The following KLRG1 variants were observed in gnomAD, a reference collection of about 807,000 sequenced individuals.
KLRG1 encodes the protein killer cell lectin like receptor G1, also known as killer cell lectin-like receptor subfamily G member 1.
KLRG1 carries 16 observed loss-of-function variants against 21.8 expected under a neutral mutation model. The ratio of observed to expected loss-of-function variants is 0.73; its 90% confidence interval spans 0.50 to 1.11. KLRG1 has a LOEUF of 1.11. Among genes scored for constraint, KLRG1 ranks in the 50% most tolerant of loss-of-function variants. The pLI, the probability that KLRG1 is intolerant of heterozygous loss-of-function variation, is 0.00. For missense variants in KLRG1, 173 were observed against 218.3 expected (o/e 0.79, Z 1.31); for synonymous variants, 69 against 75.9 (o/e 0.91, Z 0.47).
the KLRG1 span, among the ~76,000 whole-genome samples, chr12:9,042,995 A>G: frequency 2.0e-5 from 3 of 151,680 alleles, no homozygotes; most frequent in Middle Eastern, 6.9e-3. Flanking sequence ...TGTTCTCTCA[A>G]TTTTTTTGAA....
the KLRG1 span, among the ~76,000 whole-genome samples, chr12:9,021,943 T>C: frequency 6.6e-6 from 1 of 152,134 alleles, no homozygotes; most frequent in Non-Finnish European, 1.5e-5. Flanking sequence ...GTAGAAGGAA[T>C]AGACTCTAAG....
At chr12:9,003,407 T>A (rs1348692745) in intron 3 of KLRG1, among the ~76,000 whole-genome samples, 1 of 152,164 alleles carries the variant, frequency 6.6e-6, no homozygotes, top group African/African-American at 2.4e-5. Flanking sequence ...ATACTTTGAA[T>A]GCAGTAACAT....
the KLRG1 span, chr12:9,157,691 A>G: frequency 7.5e-7 from 1 of 1,333,876 alleles, no homozygotes; most frequent in South Asian, 1.2e-5. Flanking sequence ...TTGAGACTCA[A>G]CCCTTAGCAG....
chr12:9,129,752 G>T, the KLRG1 span, among the ~76,000 whole-genome samples: 1 of 152,154 alleles, frequency 6.6e-6, no homozygotes, highest in Non-Finnish European at 1.5e-5. Context: ...ATTTCACCGT[G>T]TTAGCCAGGA....
chr12:9,017,591 T>C, the KLRG1 span, among the ~76,000 whole-genome samples: 1 of 152,236 alleles, frequency 6.6e-6, no homozygotes, highest in South Asian at 2.1e-4. Flanking sequence ...CAGTAAAAAA[T>C]TGGGTATACA....
At chr12:9,090,811 TAAACAGTTATG>T in the KLRG1 span, among the ~76,000 whole-genome samples, 1 of 152,200 alleles carries the variant, frequency 6.6e-6, no homozygotes, top group Non-Finnish European at 1.5e-5. Context: ...ACAAGACTTA[TAAACAGTTATG>T]GTTTCAGCAA....
At chr12:9,077,409 T>A in the KLRG1 span, 2 of 1,613,036 alleles carry the variant, frequency 1.2e-6, no homozygotes, top group Non-Finnish European at 1.7e-6. Flanking sequence ...TCACTTCATC[T>A]TCTACTCCTC....
the KLRG1 span, among the ~76,000 whole-genome samples, chr12:9,188,599 G>T: frequency 6.6e-6 from 1 of 152,178 alleles, no homozygotes; most frequent in Non-Finnish European, 1.5e-5. Flanking sequence ...GTTTGCAGAC[G>T]ACATGATTTT....
chr12:9,041,885 G>A, the KLRG1 span, among the ~76,000 whole-genome samples: 2 of 152,140 alleles, frequency 1.3e-5, no homozygotes, highest in African/African-American at 4.8e-5. Context: ...AGTGGTTTGC[G>A]TGCAGCAATT....
the KLRG1 span, among the ~76,000 whole-genome samples, chr12:9,060,825 A>T: frequency 3.3e-5 from 5 of 152,182 alleles, no homozygotes; most frequent in Non-Finnish European, 7.3e-5. Flanking sequence ...TGGATTAATG[A>T]TGATCTTTTT....
the KLRG1 span, chr12:9,104,267 T>C: frequency 4.3e-6 from 7 of 1,612,890 alleles, no homozygotes; most frequent in Non-Finnish European, 5.9e-6. Flanking sequence ...ACCCATAACA[T>C]TGGTGGTGTT....
chr12:9,106,436 G>T, the KLRG1 span: 1 of 1,431,398 alleles, frequency 7.0e-7, no homozygotes, highest in Non-Finnish European at 9.7e-7. Flanking sequence ...TCATTATTTG[G>T]CTAAGAAAAT....
the KLRG1 span, among the ~76,000 whole-genome samples, chr12:9,019,473 G>A: frequency 1.3e-5 from 2 of 152,172 alleles, no homozygotes; most frequent in Admixed American, 6.5e-5. Context: ...GCACTCCCAT[G>A]TTTATTGCAG....
At chr12:9,044,430 C>T in the KLRG1 span, among the ~76,000 whole-genome samples, 3 of 152,020 alleles carry the variant, frequency 2.0e-5, no homozygotes, top group East Asian at 3.9e-4. Flanking sequence ...TTTGGGAGGC[C>T]GAGACAGGTG....
intron 1 of KLRG1, among the ~76,000 whole-genome samples, chr12:8,983,997 A>C (rs772777182): frequency 3.3e-5 from 5 of 152,164 alleles, no homozygotes; most frequent in Admixed American, 1.3e-4. Flanking sequence ...TTCCGATTTC[A>C]TTATATGTCC....
the KLRG1 span, chr12:9,202,482 C>G: frequency 6.2e-7 from 1 of 1,612,784 alleles, no homozygotes; most frequent in Admixed American, 1.7e-5. Flanking sequence ...GTTCAGGTGG[C>G]CCTTCTCAGT....
intron 3 of KLRG1, among the ~76,000 whole-genome samples, chr12:8,998,643 C>A (rs1160375455): frequency 6.7e-6 from 1 of 149,892 alleles, no homozygotes; most frequent in Non-Finnish European, 1.5e-5. Context: ...TAGCCGTGAT[C>A]ACACCACTGC....
At chr12:9,137,944 T>A in the KLRG1 span, among the ~76,000 whole-genome samples, 1 of 152,242 alleles carries the variant, frequency 6.6e-6, no homozygotes, top group African/African-American at 2.4e-5. Context: ...TTTTAATACA[T>A]AATATAATGG....
chr12:9,194,619 C>T, the KLRG1 span, among the ~76,000 whole-genome samples: 2 of 152,152 alleles, frequency 1.3e-5, no homozygotes, highest in South Asian at 4.2e-4. Context: ...CGCCCGCCAC[C>T]CCGCCCAGCT....
Sources: gnomAD v4.1 joint callset for allele counts (sites outside exome capture counted in the v4.1 genomes callset) on GRCh38, gnomAD v4.1.1 for gene constraint, MANE v1.5 for transcripts, NCBI Gene and HGNC (gene_info 2026-07-23, HGNC 2026-07-21) for gene names.